ZBTB17: variants seen among roughly 807,000 people sequenced by gnomAD.
ZBTB17 encodes the protein zinc finger and BTB domain containing 17.
A neutral mutation model predicts 85.1 loss-of-function variants in ZBTB17; 24 were observed. The ratio of observed to expected loss-of-function variants is 0.28; its 90% CI spans 0.20 to 0.40. The LOEUF (loss-of-function observed/expected upper bound fraction) is 0.40, where lower values mean the gene tolerates loss of function less well. Ranked by LOEUF, ZBTB17 falls within the 10% of genes least tolerant of loss-of-function variation. ZBTB17 has a pLI of 1.00. For missense variants in ZBTB17, 743 were observed against 1,105.1 expected, an observed-to-expected ratio of 0.67 and a Z score of 4.65; for synonymous variants, 464 against 460.2, an observed-to-expected ratio of 1.01 and a Z score of -0.11.
At position 15,942,743 on chromosome 1, in the gene ZBTB17, G is replaced by A. The variant is rs1285405931; in HGVS notation, c.1829-5C>T. ...CACACAGGTAAGGCTTCTCTCCTGG[G>A]GGAGCAAGGTTCTCTCTTGCCTTTG... On this transcript the variant is annotated splice_polypyrimidine_tract_variant and splice_region_variant and intron_variant, in intron 13 of 15. Transcript: ENST00000375743. The A allele has an allele frequency of 9.3e-6, 15 of 1,612,848 alleles. No individual in the cohort carries two copies. Among genetic ancestry groups the A allele is most frequent in the Non-Finnish European group, 1.3e-5 (15 of 1,179,956 alleles).
intron 13 of ZBTB17, 53 bp from the exon 14 acceptor site, chr1:15,942,791 G>T: frequency 1.3e-6 from 2 of 1,589,676 alleles, no homozygotes; most frequent in Non-Finnish European, 1.7e-6. Context: ...GCAGGGATGG[G>T]GTGGGAGGCC....
intron 3 of ZBTB17, 25 bp downstream of exon 3, chr1:15,948,266 C>T: frequency 1.2e-6 from 2 of 1,613,334 alleles, no homozygotes; most frequent in Non-Finnish European, 8.5e-7. Flanking sequence ...TATCAGCAAG[C>T]TCAGCCCCAG....
intron 6 of ZBTB17, 57 bp from the exon 7 acceptor site, chr1:15,945,259 A>T: frequency 6.5e-7 from 1 of 1,532,644 alleles, no homozygotes. Context: ...AGCGCACGTG[A>T]GGGGCGCCGG....
intron 2 of ZBTB17, among the ~76,000 whole-genome samples, chr1:15,950,132 C>T (rs1221724973): frequency 6.6e-6 from 1 of 152,238 alleles, no homozygotes; most frequent in African/African-American, 2.4e-5. Context: ...GGCCCTGGGG[C>T]AGCTGGCCCC....
At chr1:15,942,774 A>G (rs773014625) in intron 13 of ZBTB17, 36 bp from the exon 14 acceptor site, 7 of 1,605,392 alleles carry the variant, frequency 4.4e-6, no homozygotes, top group East Asian at 2.2e-5. Context: ...CTTTGTGGGA[A>G]GGGGCCGCAG....
At chr1:15,968,765 A>G (rs2148812741) in intron 2 of ZBTB17, among the ~76,000 whole-genome samples, 1 of 152,354 alleles carries the variant, frequency 6.6e-6, no homozygotes, top group Admixed American at 6.5e-5. Context: ...CTGTCCATGC[A>G]CAACCTGGAT....
chr1:15,942,912 G>A, intron 13 of ZBTB17, 152 bp downstream of exon 13: 1 of 1,357,024 alleles, frequency 7.4e-7, no homozygotes, highest in Non-Finnish European at 1.0e-6. Flanking sequence ...CTAGGAAAAT[G>A]GGGTCCTCAT....
intron 2 of ZBTB17, among the ~76,000 whole-genome samples, chr1:15,972,540 C>T (rs974681362): frequency 1.3e-5 from 2 of 152,216 alleles, no homozygotes; most frequent in Non-Finnish European, 2.9e-5. Flanking sequence ...AACATTAGAA[C>T]TTTAAAAGGA....
At chr1:15,946,744 G>A (rs1421490191) in intron 4 of ZBTB17, among the ~76,000 whole-genome samples, 191 bp downstream of exon 4, 2 of 152,234 alleles carry the variant, frequency 1.3e-5, no homozygotes, top group African/African-American at 4.8e-5. Context: ...AACCAGGCAC[G>A]GCTCCCGGGT....
In ZBTB17 at chr1:15,944,993, T is replaced by G; in HGVS notation, c.871A>C (p.Thr291Pro). ...GSEARGLRSG[T>P]YGDRTESKAY... Reference sequence around the variant, plus strand: ...TTGGACTCCGTGCGGTCGCCGTAGGTGCCTGAGCGCAGGCCCCGGGCCTCG... The same window carrying G: ...TTGGACTCCGTGCGGTCGCCGTAGGGGCCTGAGCGCAGGCCCCGGGCCTCG... The change falls in exon 7 of 16, where the codon ACC (threonine) becomes CCC (proline). Residue 291 changes from threonine to proline, a missense_variant. Around this residue, in one of 4 missense-constraint regions of ZBTB17, gnomAD observed 279 missense variants for 269.9 expected, o/e 1.03. Coordinates refer to ENST00000375743, the MANE Select transcript of ZBTB17 (RefSeq NM_003443.3). 1 of 1,590,896 alleles carries G rather than the reference T, an allele frequency of 6.3e-7. No individual in the cohort carries two copies. Among genetic ancestry groups the G allele is most frequent in the Non-Finnish European group, 8.5e-7 (1 of 1,171,266 alleles).
chr1:15,946,192 T>C lies in ZBTB17; in HGVS notation c.497A>G (p.Lys166Arg), dbSNP rs1387412740. 7.4e-6 allele frequency: 12 copies of C among 1,612,074 alleles called. No homozygotes were observed. The South Asian group carries it at 1.2e-4, about 16-fold the overall frequency. ...STPIGPSRDL[K>R]EERGGQAQSA... The stretch of plus-strand genomic sequence containing the variant: ...CTGGGCCTGACCGCCGCGCTCCTCC[T>C]TGAGGTCCCTGCTGGGGCCTATGGG... The change falls in exon 5 of 16, where the codon AAG becomes AGG. Residue 166 changes from lysine to arginine, a missense_variant. Around this residue, in one of 4 missense-constraint regions of ZBTB17, gnomAD observed 279 missense variants for 269.9 expected, o/e 1.03. Coordinates refer to ENST00000375743, the MANE Select transcript of ZBTB17 (RefSeq NM_003443.3).
Position 15,950,910 on chromosome 1 carries a change from C to A in ZBTB17, c.-2-2413G>T, listed in dbSNP as rs115273795. Among the ~76,000 whole-genome samples, 1,107 of 152,298 alleles carry A rather than the reference C, an allele frequency of 7.3e-3. 15 individuals are homozygous for A. The highest frequency in any genetic ancestry group is 0.025 in the African/African-American group (1,024 of 41,558). On this transcript the variant is annotated intron_variant, in intron 2 of 15. Coordinates refer to ENST00000375743, the MANE Select transcript of ZBTB17 (RefSeq NM_003443.3). ...CCTGGCAAGCGCAGCCCCGCCCAGC[C>A]ATACAGCTGTCCTGGGACTGGATGG...
chr1:15,946,056 T>G (rs1242537533), intron 5 of ZBTB17, 98 bp downstream of exon 5: 2 of 1,583,038 alleles, frequency 1.3e-6, no homozygotes, highest in African/African-American at 2.7e-5. Flanking sequence ...GAGGTGCAGG[T>G]GCCCGTGCTA....
At chr1:15,954,924 G>A (rs2071990839) in intron 2 of ZBTB17, among the ~76,000 whole-genome samples, 1 of 152,220 alleles carries the variant, frequency 6.6e-6, no homozygotes, top group Admixed American at 6.5e-5. Context: ...GGAGGCCGAG[G>A]CTGGCGGATC....
chr1:15,948,069 C>A, intron 3 of ZBTB17: 1 of 610,622 alleles, frequency 1.6e-6, no homozygotes, highest in South Asian at 1.9e-5. Context: ...TCATCATGAG[C>A]CCTTCCTGCC....
In ZBTB17 at chr1:15,942,427, G is replaced by A. The variant is rs751278223; in HGVS notation, c.2039-7C>T. The A allele has an allele frequency of 6.2e-7, 1 of 1,613,034 alleles. No homozygotes were observed. The highest frequency in any genetic ancestry group is 8.5e-7 in the Non-Finnish European group (1 of 1,179,974). ...GCAGCTCCCACCGGCACCACTGCGGGCAGAGTCGCAGGGCCTAAGGTGAAG... is the reference window on the plus strand; with the variant it reads ...GCAGCTCCCACCGGCACCACTGCGGACAGAGTCGCAGGGCCTAAGGTGAAG... On this transcript the variant is annotated splice_polypyrimidine_tract_variant and splice_region_variant and intron_variant, in intron 14 of 15. Transcript: ENST00000375743.
Position 15,952,555 on chromosome 1 carries a change from G to A in ZBTB17, c.-2-4058C>T, listed in dbSNP as rs117951502. Among the ~76,000 whole-genome samples, 48 of 152,350 alleles carry A rather than the reference G, an allele frequency of 3.2e-4. 1 individual carries two copies. The East Asian group carries it at 8.9e-3, about 28-fold the overall frequency. ...AGACGGTGTCTGTTTCCCTCCTGTC[G>A]GAATCTGGATGGCCCAGAGACGACT... On this transcript the variant is annotated intron_variant, in intron 2 of 15. Transcript: ENST00000375743. The surrounding 1 kb of genome is among the most constrained non-coding windows in gnomAD (Gnocchi z 4.3).
chr1:15,957,381 A>T (rs1462367483), intron 2 of ZBTB17, among the ~76,000 whole-genome samples: 1 of 126,576 alleles, frequency 7.9e-6, no homozygotes, highest in East Asian at 1.9e-4. Flanking sequence ...GGAGAGGAGG[A>T]GGTGTGTGGC....
Position 15,944,946 on chromosome 1 carries a change from G to C in ZBTB17, c.918C>G (p.His306Gln). ...CCATAGTCTCCCTCACCTCGCACTT[G>C]TGGATGACGGAGCCGTAGGCCTTGG... is the stretch of plus-strand genomic sequence containing the variant. ...TESKAYGSVI[H>Q]KCEDCGKEFT... The change falls in exon 7 of 16, where the codon CAC becomes CAG. Residue 306 changes from histidine (H) to glutamine (Q), a missense_variant. His to Gln is a conservative substitution (Grantham distance 24). Around this residue, in one of 4 missense-constraint regions of ZBTB17, gnomAD observed 279 missense variants for 269.9 expected, o/e 1.03. Transcript: ENST00000375743. The C allele has an allele frequency of 6.3e-7, 1 of 1,577,126 alleles. No individual in the cohort carries two copies. The highest frequency in any genetic ancestry group is 8.6e-7 in the Non-Finnish European group (1 of 1,164,122).
Sources: gnomAD v4.1 joint callset for allele counts (sites outside exome capture counted in the v4.1 genomes callset) on GRCh38, gnomAD v4.1.1 for gene constraint, gnomAD v4.1.1 regional missense constraint, Gnocchi (gnomAD v3.1) non-coding constraint, MANE v1.5 for transcripts, NCBI Gene and HGNC (gene_info 2026-07-23, HGNC 2026-07-21) for gene names.